Variants in HERC5 observed in about 807,000 individuals in gnomAD.
The protein encoded by HERC5 is HECT and RLD domain containing E3 ubiquitin protein ligase 5.
Under a neutral mutation model 119.6 loss-of-function variants are expected in HERC5, and 99 were observed. The ratio of observed to expected loss-of-function variants is 0.83; its 90% CI spans 0.70 to 0.98. The LOEUF (loss-of-function observed/expected upper bound fraction) is 0.98. HERC5 is among the 50% of genes least tolerant of loss of function. The probability of loss-of-function intolerance (pLI) is 0.00; values close to 1 mark genes in which losing one functional copy is unlikely to be tolerated. For synonymous variants in HERC5, 478 were observed against 445.9 expected (o/e 1.07, Z -0.91); for missense variants, 1,267 against 1,241.3 (o/e 1.02, Z -0.31).
intron 11 of HERC5, 76 bp from the exon 12 acceptor site, chr4:88,475,765 T>G: frequency 2.5e-6 from 3 of 1,209,344 alleles, no homozygotes; most frequent in Non-Finnish European, 2.4e-6. Context: ...CCTCTACACC[T>G]TGTTTTATTA....
chr4:88,493,238 A>G (rs1741701839), intron 17 of HERC5, 83 bp downstream of exon 17: 1 of 1,197,174 alleles, frequency 8.4e-7, no homozygotes, highest in African/African-American at 1.5e-5. Context: ...TGTCTAGACT[A>G]TTTCATGTTA....
At chr4:88,490,363 A>G (rs1741595722) in intron 16 of HERC5, among the ~76,000 whole-genome samples, 1 of 152,200 alleles carries the variant, frequency 6.6e-6, no homozygotes, top group Admixed American at 6.5e-5. Context: ...GAGTAACCCA[A>G]CTGATAAGCA....
intron 16 of HERC5, among the ~76,000 whole-genome samples, chr4:88,490,178 C>T (rs1741590104): frequency 6.6e-6 from 1 of 152,138 alleles, no homozygotes; most frequent in African/African-American, 2.4e-5. Context: ...ATATTTGATA[C>T]TGAATCATAA....
chr4:88,487,332 C>T (rs1229196299), intron 15 of HERC5, among the ~76,000 whole-genome samples, 153 bp downstream of exon 15: 2 of 152,158 alleles, frequency 1.3e-5, no homozygotes, highest in Non-Finnish European at 2.9e-5. Flanking sequence ...GACGGCAAGG[C>T]AGACTGTCAT....
chr4:88,487,108 C>A lies in HERC5; in HGVS notation c.1891C>A (p.His631Asn). The A allele has an allele frequency of 6.2e-7, 1 of 1,611,740 alleles. No individual in the cohort carries two copies. Among genetic ancestry groups the A allele is most frequent in the South Asian group, 1.1e-5 (1 of 90,862 alleles). ...TGTACAATGCTGCGTCATATTCAGTCACTTTCCATTTATCTTTAATAATCT... is the reference window on the plus strand; with the variant it reads ...TGTACAATGCTGCGTCATATTCAGTAACTTTCCATTTATCTTTAATAATCT... ...ENVQCCVIFS[H>N]FPFIFNNLSK... Residue 631 changes from histidine to asparagine, a missense_variant, in exon 15 of 23, where the codon CAC becomes AAC. Coordinates refer to ENST00000264350, the MANE Select transcript of HERC5 (RefSeq NM_016323.4).
At chr4:88,473,288 T>TTCTC (rs1323596355) in intron 11 of HERC5, 1 of 152,120 alleles carries the variant, frequency 6.6e-6, no homozygotes, top group Non-Finnish European at 1.5e-5. Flanking sequence ...CCTTCTTTCT[T>TTCTC]TCTCTCTCCT....
intron 3 of HERC5, among the ~76,000 whole-genome samples, chr4:88,460,504 C>G (rs568006486): frequency 3.9e-5 from 6 of 152,206 alleles, no homozygotes; most frequent in African/African-American, 1.4e-4. Flanking sequence ...CTTCCCTTTT[C>G]CTAACACCTT....
At chr4:88,477,441 G>A (rs1392689859) in intron 12 of HERC5, among the ~76,000 whole-genome samples, 1 of 87,226 alleles carries the variant, frequency 1.1e-5, no homozygotes, top group African/African-American at 5.0e-5. Context: ...GAAAGGGACG[G>A]GGAGGGGAAG....
chr4:88,503,780 A>G (rs1009733224), intron 20 of HERC5, among the ~76,000 whole-genome samples: 1 of 152,190 alleles, frequency 6.6e-6, no homozygotes, highest in Non-Finnish European at 1.5e-5. Flanking sequence ...TAAAAATTAC[A>G]TTAGGGCCAG....
chr4:88,463,560 A>G lies in HERC5; in HGVS notation c.717A>G (p.Gly239=), dbSNP rs1740526410. The change falls in exon 5 of 23, where the codon GGA becomes GGG. Residue 239 remains glycine (G), a synonymous_variant. Coordinates refer to ENST00000264350, the MANE Select transcript of HERC5 (RefSeq NM_016323.4). The stretch of plus-strand genomic sequence containing the variant: ...AAGATGATCCATCCCTTATTGAAGG[A>G]CTAGACAATCAGAAAGTTGAATTTG... ...ESKDDPSLIE[G]LDNQKVEFVA... is the part of the protein sequence containing the mutation. The G allele has an allele frequency of 1.2e-6, 2 of 1,613,834 alleles. No homozygotes were observed. Among genetic ancestry groups the G allele is most frequent in the Non-Finnish European group, 1.7e-6 (2 of 1,179,754 alleles).
In HERC5 at chr4:88,486,216, G is replaced by A; in HGVS notation, c.1839G>A (p.Trp613Ter). ...TAGAAGTATGCAGAAGGTACTTGTG[G>A]AAAATGACTGTGGTAGGTATAGCAT... is the stretch of plus-strand genomic sequence containing the variant. ...FFVEVCRRYL[W>*]KMTVDASENV... The change falls in exon 14 of 23, where the codon TGG becomes TGA. Residue 613 changes from tryptophan (W) to a stop codon, truncating the protein, a stop_gained. Transcript: ENST00000264350. LOFTEE classifies it high-confidence loss of function. 6.3e-7 allele frequency: 1 copy of A among 1,596,802 alleles called. No individual in the cohort carries two copies. The highest frequency in any genetic ancestry group is 8.6e-7 in the Non-Finnish European group (1 of 1,165,536).
At chr4:88,503,396 A>G (rs1578070862) in intron 20 of HERC5, among the ~76,000 whole-genome samples, 1 of 152,178 alleles carries the variant, frequency 6.6e-6, no homozygotes, top group East Asian at 1.9e-4. Flanking sequence ...TATTCTAAAT[A>G]GGTTTCTTGG....
At chr4:88,467,375 G>A (rs1740708318) in intron 7 of HERC5, among the ~76,000 whole-genome samples, 171 bp downstream of exon 7, 1 of 152,078 alleles carries the variant, frequency 6.6e-6, no homozygotes, top group Non-Finnish European at 1.5e-5. Flanking sequence ...AATTTACTGA[G>A]GCAAAATAAT....
chr4:88,475,698 CAG>C (rs569131888), intron 11 of HERC5, 141 bp from the exon 12 acceptor site: 18 of 700,336 alleles, frequency 2.6e-5, no homozygotes, highest in South Asian at 1.8e-4. Context: ...GGGATGTAAA[CAG>C]GGGTTTTAGA....
intron 17 of HERC5, 53 bp from the exon 18 acceptor site, chr4:88,494,112 C>A (rs1741732884): frequency 3.6e-6 from 4 of 1,108,668 alleles, no homozygotes; most frequent in Non-Finnish European, 5.2e-6. Flanking sequence ...ATAAATATTT[C>A]ATTGTACTGG....
Position 88,462,185 on chromosome 4 carries a change from G to C in HERC5, c.517G>C (p.Gly173Arg). Residue 173 changes from glycine to arginine, a missense_variant, in exon 4 of 23, where the codon GGA (glycine) becomes CGA (arginine). Around this residue, in one of 3 missense-constraint regions of HERC5, gnomAD observed 777 missense variants for 758.0 expected, o/e 1.03. Transcript: ENST00000264350. Reference sequence around the variant, plus strand: ...GAACCTGCATGGGCAGCTTGGAGTTGGAAGGAAATTTCCCTCAACCACCAC... The same window carrying C: ...GAACCTGCATGGGCAGCTTGGAGTTCGAAGGAAATTTCCCTCAACCACCAC... ...GQNLHGQLGVGRKFPSTTTPQ... is the reference protein window; with the variant it reads ...GQNLHGQLGVRRKFPSTTTPQ... The C allele has an allele frequency of 6.2e-7, 1 of 1,614,116 alleles. No individual in the cohort carries two copies. Among genetic ancestry groups the C allele is most frequent in the Middle Eastern group, 1.6e-4 (1 of 6,062 alleles).
At chr4:88,478,716 G>T (rs894369327) in intron 12 of HERC5, among the ~76,000 whole-genome samples, 2 of 152,000 alleles carry the variant, frequency 1.3e-5, no homozygotes, top group African/African-American at 4.8e-5. Flanking sequence ...GTCTCAAGCG[G>T]TTCTCCCACC....
intron 11 of HERC5, chr4:88,473,335 C>T (rs1740942625): frequency 6.6e-6 from 1 of 152,018 alleles, no homozygotes. Flanking sequence ...AGCCTCACCC[C>T]ATTTTTTAAT....
chr4:88,469,259 A>T lies in HERC5; in HGVS notation c.1237A>T (p.Arg413Trp), dbSNP rs191624175. The change falls in exon 9 of 23, where the codon AGG becomes TGG. Residue 413 changes from arginine (R) to tryptophan (W), a missense_variant and splice_region_variant. Coordinates refer to ENST00000264350, the MANE Select transcript of HERC5 (RefSeq NM_016323.4). ...GACTAAACGGTGGCAGAGCACAAAA[A>T]GGTACACCCCACAGTCTGACTCTCT... Reference protein sequence around the residue: ...VETKRWQSTKREIQEIFSSPA... With the variant: ...VETKRWQSTKWEIQEIFSSPA... 6.3e-7 allele frequency: 1 copy of T among 1,597,162 alleles called. No homozygotes were observed. Among genetic ancestry groups the T allele is most frequent in the East Asian group, 2.2e-5 (1 of 44,804 alleles).
Sources: gnomAD v4.1 joint callset for allele counts (sites outside exome capture counted in the v4.1 genomes callset) on GRCh38, gnomAD v4.1.1 for gene constraint, gnomAD v4.1.1 regional missense constraint, MANE v1.5 for transcripts, NCBI Gene and HGNC (gene_info 2026-07-23, HGNC 2026-07-21) for gene names.